Variants in LRPPRC observed in about 807,000 individuals in gnomAD.
The protein encoded by LRPPRC is leucine rich pentatricopeptide repeat containing, also known as leucine-rich PPR motif-containing protein, mitochondrial.
Under a neutral mutation model 180.3 loss-of-function variants are expected in LRPPRC, and 120 were observed. The ratio of observed to expected loss-of-function variants is 0.67; its 90% CI spans 0.57 to 0.77. The LOEUF (loss-of-function observed/expected upper bound fraction) is 0.77. LRPPRC is among the 30% of genes least tolerant of loss of function. The pLI, the probability that LRPPRC is intolerant of heterozygous loss-of-function variation, is 0.00. For synonymous variants in LRPPRC, 723 were observed against 600.0 expected (o/e 1.21, Z -3.00); for missense variants, 2,012 against 1,657.2 (o/e 1.21, Z -3.72).
intron 1 of LRPPRC, among the ~76,000 whole-genome samples, chr2:43,993,166 A>G (rs926151327): frequency 1.2e-4 from 18 of 152,184 alleles, no homozygotes; most frequent in Non-Finnish European, 2.4e-4. Flanking sequence ...TAAAAAGTGG[A>G]TTTGGTAATT....
intron 36 of LRPPRC, 100 bp from the exon 37 acceptor site, chr2:43,889,976 C>T: frequency 1.2e-6 from 1 of 811,218 alleles, no homozygotes. Context: ...CCCTTTATCC[C>T]ACGGCAAATG....
At chr2:43,984,006 T>G (rs1467326521) in intron 1 of LRPPRC, among the ~76,000 whole-genome samples, 1 of 152,148 alleles carries the variant, frequency 6.6e-6, no homozygotes, top group African/African-American at 2.4e-5. Context: ...ATCAGCACAT[T>G]GTAGATGGCT....
intron 27 of LRPPRC, among the ~76,000 whole-genome samples, chr2:43,923,177 TAAA>T (rs9309110): frequency 3.1e-5 from 4 of 130,568 alleles, no homozygotes; most frequent in African/African-American, 5.8e-5. Flanking sequence ...TTTGTTTCTT[TAAA>T]AAAAAAAAAA....
intron 36 of LRPPRC, among the ~76,000 whole-genome samples, chr2:43,891,835 C>T (rs1168626595): frequency 6.6e-6 from 1 of 152,244 alleles, no homozygotes; most frequent in Non-Finnish European, 1.5e-5. Flanking sequence ...ACGCTGAAAG[C>T]TAGGCTTCTT....
chr2:43,991,058 C>T (rs1674756591), intron 1 of LRPPRC, among the ~76,000 whole-genome samples: 1 of 145,602 alleles, frequency 6.9e-6, no homozygotes, highest in Non-Finnish European at 1.5e-5. Context: ...GAGATGGGGT[C>T]TCACTCTGTC....
intron 13 of LRPPRC, among the ~76,000 whole-genome samples, chr2:43,960,325 A>G (rs1050231637): frequency 5.3e-5 from 8 of 152,210 alleles, no homozygotes; most frequent in Admixed American, 6.5e-5. Context: ...TCCAGCCTTC[A>G]GTCTAACACC....
chr2:43,909,641 ATAATAATAT>A (rs1375713675), intron 30 of LRPPRC, among the ~76,000 whole-genome samples: 19 of 145,690 alleles, frequency 1.3e-4, no homozygotes, highest in African/African-American at 4.2e-4. Context: ...AATAATAATA[ATAATAATAT>A]TGAGGGTGGG....
At chr2:43,967,278 C>T (rs2103686241) in intron 11 of LRPPRC, among the ~76,000 whole-genome samples, 1 of 151,642 alleles carries the variant, frequency 6.6e-6, no homozygotes, top group Admixed American at 6.6e-5. Flanking sequence ...GTAATATGAG[C>T]CTGTGGTCCC....
intron 27 of LRPPRC, among the ~76,000 whole-genome samples, chr2:43,920,014 T>C (rs1671638393): frequency 8.0e-6 from 1 of 124,790 alleles, no homozygotes; most frequent in South Asian, 2.4e-4. Context: ...TAATGACTCC[T>C]AAAAGTAAAA....
At position 43,963,611 on chromosome 2, in the gene LRPPRC, T is replaced by C; in HGVS notation, c.1465A>G (p.Asn489Asp). ...DYVIPCFDSV[N>D]SARAILQENG... Reference sequence around the variant, plus strand: ...ACCTGCAAAATGGCTCGTGCTGAGTTTACACTATCAAAGCATGGAATCACA... The same window carrying C: ...ACCTGCAAAATGGCTCGTGCTGAGTCTACACTATCAAAGCATGGAATCACA... The change falls in exon 12 of 38, where the codon AAC becomes GAC. Residue 489 changes from asparagine to aspartate, a missense_variant. By Grantham distance (23) the Asn-to-Asp change is conservative. Transcript: ENST00000260665. 6.2e-7 allele frequency: 1 copy of C among 1,607,956 alleles called. No individual in the cohort carries two copies.
chr2:43,976,228 T>A lies in LRPPRC; in HGVS notation c.652A>T (p.Lys218Ter). 6.3e-7 allele frequency: 1 copy of A among 1,590,754 alleles called. No homozygotes were observed. Among genetic ancestry groups the A allele is most frequent in the Non-Finnish European group, 8.6e-7 (1 of 1,158,726 alleles). ...CNVGDIEGASKILGFMKTKDL... is the reference protein window; with the variant it reads ...CNVGDIEGAS Reference sequence around the variant, plus strand: ...TTAGTTTTCATAAATCCAAGAATCTTGCTGCAAAGGAAAAACGAAGATACT... The same window carrying A: ...TTAGTTTTCATAAATCCAAGAATCTAGCTGCAAAGGAAAAACGAAGATACT... Residue 218 changes from lysine (K) to a stop codon, truncating the protein, a stop_gained and splice_region_variant, in exon 6 of 38, where the codon AAG becomes TAG. Transcript: ENST00000260665. LOFTEE classifies it high-confidence loss of function.
chr2:43,978,676 T>TA (rs891523801), intron 3 of LRPPRC, among the ~76,000 whole-genome samples: 56 of 151,612 alleles, frequency 3.7e-4, no homozygotes, highest in Middle Eastern at 3.4e-3. Flanking sequence ...GTTTTTAACT[T>TA]AAAAAAAAAT....
intron 25 of LRPPRC, among the ~76,000 whole-genome samples, chr2:43,932,589 C>T (rs1237355777): frequency 1.3e-5 from 2 of 152,124 alleles, no homozygotes; most frequent in Non-Finnish European, 2.9e-5. Flanking sequence ...ATGTGGCAAA[C>T]ATGTACCTTA....
At chr2:43,899,023 G>A (rs1275204301) in intron 34 of LRPPRC, among the ~76,000 whole-genome samples, 196 bp downstream of exon 34, 2 of 152,068 alleles carry the variant, frequency 1.3e-5, no homozygotes, top group Admixed American at 6.5e-5. Context: ...GTTTGATCTG[G>A]CATCTTTAAA....
At chr2:43,980,485 G>A (rs1317804170) in intron 2 of LRPPRC, among the ~76,000 whole-genome samples, 2 of 150,448 alleles carry the variant, frequency 1.3e-5, no homozygotes, top group African/African-American at 4.9e-5. Context: ...CCCAGGAGGT[G>A]GAGGCTGCGG....
chr2:43,928,492 T>A (rs1671968574), intron 25 of LRPPRC, among the ~76,000 whole-genome samples: 1 of 152,096 alleles, frequency 6.6e-6, no homozygotes, highest in South Asian at 2.1e-4. Flanking sequence ...AGATGTCAAA[T>A]GAAAGCAACA....
chr2:43,924,759 G>T (rs893688672), intron 27 of LRPPRC, among the ~76,000 whole-genome samples: 5 of 152,124 alleles, frequency 3.3e-5, no homozygotes, highest in African/African-American at 1.2e-4. Context: ...TTACCTGAAG[G>T]TTTAAATAAA....
chr2:43,977,247 C>A lies in LRPPRC; in HGVS notation c.499G>T (p.Ala167Ser), dbSNP rs1244796871. 2 of 1,599,994 alleles carry A rather than the reference C, an allele frequency of 1.3e-6. No individual in the cohort carries two copies. The highest frequency in any genetic ancestry group is 2.2e-5 in the East Asian group (1 of 44,732). The change falls in exon 4 of 38, where the codon GCT becomes TCT. Residue 167 changes from alanine to serine, a missense_variant. By Grantham distance (99) the Ala-to-Ser change is moderately conservative (BLOSUM62 1). Transcript: ENST00000260665. ...GAVYDVSHYNALLKVYLQNEY... is the reference protein window; with the variant it reads ...GAVYDVSHYNSLLKVYLQNEY... Reference sequence around the variant, plus strand: ...TTTTGAAGATAGACTTTAAGTAAAGCATTATAGTGACTCACATCATACACA... The same window carrying A: ...TTTTGAAGATAGACTTTAAGTAAAGAATTATAGTGACTCACATCATACACA...
intron 21 of LRPPRC, 44 bp from the exon 22 acceptor site, chr2:43,945,461 A>C: frequency 9.0e-7 from 1 of 1,116,218 alleles, no homozygotes; most frequent in Non-Finnish European, 1.4e-6. Flanking sequence ...AAGTCAATTA[A>C]CTGCTAAAAG....
Sources: allele counts gnomAD v4.1 joint callset (sites outside exome capture counted in the v4.1 genomes callset), GRCh38; gene constraint gnomAD v4.1.1; transcripts MANE v1.5; gene names NCBI Gene and HGNC (gene_info 2026-07-23, HGNC 2026-07-21).